The following EFCAB11 variants were observed in gnomAD, a reference collection of about 807,000 sequenced individuals.
The protein encoded by EFCAB11 is EF-hand calcium binding domain 11.
EFCAB11 carries 14 observed loss-of-function variants against 23.0 expected under a neutral mutation model. The observed-to-expected ratio is 0.61, with a 90% CI of 0.40 to 0.95. The LOEUF (loss-of-function observed/expected upper bound fraction) is 0.95, where lower values mean the gene tolerates loss of function less well. Among genes scored for constraint, EFCAB11 ranks in the 40% least tolerant of loss-of-function variants. The pLI is 0.00. For synonymous variants in EFCAB11, 65 were observed against 66.6 expected (o/e 0.98, Z 0.11); for missense variants, 198 against 195.8 (o/e 1.01, Z -0.07).
intron 3 of EFCAB11, among the ~76,000 whole-genome samples, chr14:89,934,134 A>T (rs1890494806): frequency 6.6e-6 from 1 of 152,182 alleles, no homozygotes; most frequent in Non-Finnish European, 1.5e-5. Context: ...GTTTTATTTA[A>T]GTGGCAATAG....
At chr14:89,910,149 C>T (rs901216142) in intron 5 of EFCAB11, among the ~76,000 whole-genome samples, 1 of 152,122 alleles carries the variant, frequency 6.6e-6, no homozygotes, top group Non-Finnish European at 1.5e-5. Context: ...TATGTGTTTC[C>T]AAAACAAAGA....
At chr14:89,885,051 C>T (rs896495898) in intron 5 of EFCAB11, among the ~76,000 whole-genome samples, 1 of 152,160 alleles carries the variant, frequency 6.6e-6, no homozygotes. Flanking sequence ...GCCACCCAGT[C>T]TATGGTATTC....
chr14:89,830,574 C>CT (rs1474426040), intron 5 of EFCAB11: 1 of 152,152 alleles, frequency 6.6e-6, no homozygotes, highest in African/African-American at 2.4e-5. Context: ...GAAGCACTGC[C>CT]TTATAGGATG....
At chr14:89,874,462 C>T (rs187522386) in intron 5 of EFCAB11, among the ~76,000 whole-genome samples, 7 of 152,330 alleles carry the variant, frequency 4.6e-5, no homozygotes, top group Admixed American at 3.9e-4. Flanking sequence ...GCTTGAATTT[C>T]TCCCCAGAAA....
chr14:89,842,764 C>T (rs1887313326), intron 5 of EFCAB11, among the ~76,000 whole-genome samples: 1 of 152,100 alleles, frequency 6.6e-6, no homozygotes, highest in African/African-American at 2.4e-5. Flanking sequence ...AGTTCAGCTT[C>T]TGTCACACCA....
chr14:89,925,329 T>C (rs1475797187), intron 5 of EFCAB11, among the ~76,000 whole-genome samples: 1 of 152,210 alleles, frequency 6.6e-6, no homozygotes, highest in African/African-American at 2.4e-5. Flanking sequence ...GTTTTAACTA[T>C]ACCCCTTAGA....
At chr14:89,870,079 G>GTTGGTAGAGTAC (rs1309614709) in intron 5 of EFCAB11, among the ~76,000 whole-genome samples, 1 of 152,218 alleles carries the variant, frequency 6.6e-6, no homozygotes, top group African/African-American at 2.4e-5. Flanking sequence ...GAACAGTGAG[G>GTTGGTAGAGTAC]TTGGTAGAGT....
At chr14:89,869,544 A>C (rs1888203050) in intron 5 of EFCAB11, among the ~76,000 whole-genome samples, 1 of 152,178 alleles carries the variant, frequency 6.6e-6, no homozygotes, top group African/African-American at 2.4e-5. Context: ...TAAATGACAA[A>C]GACCTGCCAC....
chr14:89,817,851 G>A (rs572987156), intron 5 of EFCAB11, among the ~76,000 whole-genome samples: 7 of 152,066 alleles, frequency 4.6e-5, no homozygotes, highest in South Asian at 2.1e-4. Flanking sequence ...AAAATCAGCC[G>A]GGTGTTGTGG....
intron 5 of EFCAB11, among the ~76,000 whole-genome samples, chr14:89,912,560 T>C (rs561798760): frequency 2.6e-5 from 4 of 152,368 alleles, no homozygotes; most frequent in South Asian, 4.1e-4. Context: ...CATTAATATA[T>C]GCTTTTTTTA....
intron 5 of EFCAB11, among the ~76,000 whole-genome samples, chr14:89,886,855 T>A (rs1888802997): frequency 6.6e-6 from 1 of 152,138 alleles, no homozygotes; most frequent in Admixed American, 6.5e-5. Context: ...AGTCAGAAAA[T>A]TTAATCAGGC....
chr14:89,797,077 A>G lies in EFCAB11; in HGVS notation c.*166T>C. On this transcript the variant is annotated 3_prime_UTR_variant, in exon 6 of 6. Coordinates refer to ENST00000316738, the MANE Select transcript of EFCAB11 (RefSeq NM_145231.4). ...TGCCAAAATATCTCCCGTAACCCAT[A>G]TATGTGTGTGTATGTATACATATGC... The G allele has an allele frequency of 2.2e-6, 1 of 448,186 alleles. No individual in the cohort carries two copies. The highest frequency in any genetic ancestry group is 4.0e-6 in the Non-Finnish European group (1 of 250,772). The allele number at this position is 448,186 out of a possible 1,614,324, so 27.8% of individuals were successfully genotyped here.
At chr14:89,942,635 A>C (rs1340436221) in intron 3 of EFCAB11, among the ~76,000 whole-genome samples, 1 of 152,162 alleles carries the variant, frequency 6.6e-6, no homozygotes, top group Non-Finnish European at 1.5e-5. Flanking sequence ...GCTTCCTTTA[A>C]CTAATGGCTT....
rs572512841 is a variant in EFCAB11 at position 89,928,222 on chromosome 14, T to C, written c.410+3319A>G. On this transcript the variant is annotated intron_variant, in intron 5 of 5. Transcript: ENST00000316738. ...TCCACAACATGAATATACTTATTTA[T>C]AGAGGAGCACATATGTTATTATATT... 7.9e-4 allele frequency among the ~76,000 whole-genome samples: 120 copies of C among 152,306 alleles called. 1 individual carries two copies. The highest frequency in any genetic ancestry group is 1.5e-3 in the South Asian group (7 of 4,824).
intron 5 of EFCAB11, among the ~76,000 whole-genome samples, chr14:89,908,102 G>A (rs1336000967): frequency 1.3e-5 from 2 of 152,194 alleles, no homozygotes; most frequent in African/African-American, 4.8e-5. Context: ...CAGTGAAGAG[G>A]AGGGGTGGAC....
chr14:89,810,600 A>G (rs1045899714), intron 5 of EFCAB11, among the ~76,000 whole-genome samples: 1 of 152,094 alleles, frequency 6.6e-6, no homozygotes, highest in African/African-American at 2.4e-5. Context: ...TACTAAAAAT[A>G]CAAAAATTAG....
intron 5 of EFCAB11, chr14:89,836,951 A>C (rs949309752): frequency 4.5e-6 from 2 of 446,926 alleles, no homozygotes; most frequent in Non-Finnish European, 9.0e-6. Context: ...CCCAGGAGGA[A>C]GTGGAGGCTG....
intron 3 of EFCAB11, among the ~76,000 whole-genome samples, chr14:89,940,510 A>G (rs1186907833): frequency 6.6e-6 from 1 of 152,238 alleles, no homozygotes; most frequent in Admixed American, 6.5e-5. Context: ...CTACTCATCC[A>G]CAAATTATTT....
At chr14:89,872,485 T>G (rs1474869203) in intron 5 of EFCAB11, among the ~76,000 whole-genome samples, 1 of 152,156 alleles carries the variant, frequency 6.6e-6, no homozygotes, top group Non-Finnish European at 1.5e-5. Context: ...GCACTGCTAT[T>G]TGAATTCAGA....
Sources: allele counts gnomAD v4.1 joint callset (sites outside exome capture counted in the v4.1 genomes callset), GRCh38; gene constraint gnomAD v4.1.1; transcripts MANE v1.5; gene names NCBI Gene and HGNC (gene_info 2026-07-23, HGNC 2026-07-21).